The following INPP5F variants were observed in gnomAD, a reference collection of about 807,000 sequenced individuals.
INPP5F encodes the protein phosphatidylinositide 4-phosphatase SAC2.
A neutral mutation model predicts 137.2 loss-of-function variants in INPP5F; 97 were observed. The observed-to-expected ratio is 0.71, with a 90% confidence interval of 0.60 to 0.84. INPP5F has a LOEUF of 0.84. INPP5F is among the 40% of genes least tolerant of loss of function. The probability of loss-of-function intolerance (pLI) is 0.00; values close to 1 mark genes in which losing one functional copy is unlikely to be tolerated. For missense variants in INPP5F, 1,271 were observed against 1,371.9 expected, an observed-to-expected ratio of 0.93 and a Z score of 1.16; for synonymous variants, 504 against 476.9, an observed-to-expected ratio of 1.06 and a Z score of -0.74.
chr10:119,798,717 C>A, intron 9 of INPP5F, 107 bp downstream of exon 9: 2 of 562,850 alleles, frequency 3.6e-6, no homozygotes, highest in Admixed American at 3.4e-5. Flanking sequence ...AAGCATTTGT[C>A]ATGAAGTTTA....
intron 1 of INPP5F, among the ~76,000 whole-genome samples, chr10:119,731,573 A>C (rs1431514871): frequency 6.6e-6 from 1 of 152,188 alleles, no homozygotes; most frequent in East Asian, 1.9e-4. Flanking sequence ...CTAAGCCACA[A>C]GAATCGATTG....
chr10:119,777,518 C>CT (rs1377646997), intron 2 of INPP5F, among the ~76,000 whole-genome samples: 1 of 152,140 alleles, frequency 6.6e-6, no homozygotes, highest in Non-Finnish European at 1.5e-5. Flanking sequence ...GCACGAGACT[C>CT]TGTCTCAAAA....
At chr10:119,747,798 C>T (rs1848582154) in intron 1 of INPP5F, among the ~76,000 whole-genome samples, 1 of 151,942 alleles carries the variant, frequency 6.6e-6, no homozygotes, top group Admixed American at 6.6e-5. Flanking sequence ...GGAAGTACTT[C>T]CTTAAGTGGA....
At chr10:119,802,347 A>T (rs911219479) in intron 9 of INPP5F, among the ~76,000 whole-genome samples, 1 of 152,166 alleles carries the variant, frequency 6.6e-6, no homozygotes, top group East Asian at 1.9e-4. Flanking sequence ...TGTGTCCTTA[A>T]TGGTATTGGG....
chr10:119,752,784 A>G, intron 2 of INPP5F, among the ~76,000 whole-genome samples: 1 of 151,954 alleles, frequency 6.6e-6, no homozygotes, highest in East Asian at 1.9e-4. Context: ...TGGGGATTTT[A>G]TATAAATGAT....
At chr10:119,741,214 C>A (rs555593372) in intron 1 of INPP5F, among the ~76,000 whole-genome samples, 50 of 152,224 alleles carry the variant, frequency 3.3e-4, no homozygotes, top group Non-Finnish European at 7.1e-4. Flanking sequence ...CACCCTTGCA[C>A]ATTCTTTCCT....
chr10:119,727,451 G>T (rs902323888), intron 1 of INPP5F, among the ~76,000 whole-genome samples: 1 of 152,214 alleles, frequency 6.6e-6, no homozygotes, highest in Non-Finnish European at 1.5e-5. Flanking sequence ...CAGGACACGT[G>T]TGGGATCCTC....
intron 3 of INPP5F, among the ~76,000 whole-genome samples, chr10:119,785,548 G>GAGAGAGAGAGAGAC (rs1849870375): frequency 6.9e-6 from 1 of 145,594 alleles, no homozygotes; most frequent in Non-Finnish European, 1.5e-5. Flanking sequence ...GAGAGAGAGA[G>GAGAGAGAGAGAGAC]AGAGAGAGAG....
At chr10:119,801,201 G>A (rs1266049953) in intron 9 of INPP5F, among the ~76,000 whole-genome samples, 8 of 152,184 alleles carry the variant, frequency 5.3e-5, no homozygotes, top group African/African-American at 7.2e-5. Flanking sequence ...GTAGATCCAC[G>A]TGTACTAATG....
At chr10:119,811,997 A>G (rs371866478) in intron 15 of INPP5F, 42 bp downstream of exon 15, 155 of 1,481,414 alleles carry the variant, frequency 1.0e-4, no homozygotes, top group Non-Finnish European at 1.3e-4. Context: ...TGCTTAACTG[A>G]TGTTGGGAAG....
At chr10:119,771,718 G>T (rs1377327461) in intron 2 of INPP5F, among the ~76,000 whole-genome samples, 3 of 151,040 alleles carry the variant, frequency 2.0e-5, no homozygotes, top group Non-Finnish European at 4.4e-5. Flanking sequence ...CCAACACTAA[G>T]TATTACTTTT....
intron 8 of INPP5F, 56 bp downstream of exon 8, chr10:119,797,696 A>C (rs1400700899): frequency 3.0e-6 from 4 of 1,349,506 alleles, no homozygotes; most frequent in Non-Finnish European, 4.0e-6. Context: ...AATAGTTTTT[A>C]AGAAATTAGT....
At chr10:119,737,461 C>T (rs1848249321) in intron 1 of INPP5F, among the ~76,000 whole-genome samples, 1 of 152,100 alleles carries the variant, frequency 6.6e-6, no homozygotes, top group Non-Finnish European at 1.5e-5. Context: ...TCCAGGGCCC[C>T]GCCCTAACCA....
In INPP5F at chr10:119,826,863, G is replaced by T; in HGVS notation, c.2482G>T (p.Asp828Tyr). Residue 828 changes from aspartate to tyrosine, a missense_variant, in exon 20 of 20, where the codon GAT becomes TAT. Physicochemically the swap from Asp to Tyr is radical, Grantham distance 160. Transcript: ENST00000650623. ...PNLKVNLWKS[D>Y]SSLETMENTG... ...CTTAAAAGTAAATCTTTGGAAATCA[G>T]ATAGTAGTCTTGAAACTATGGAAAA... 6.2e-7 allele frequency: 1 copy of T among 1,614,086 alleles called. No homozygotes were observed. Among genetic ancestry groups the T allele is most frequent in the Admixed American group, 1.7e-5 (1 of 60,026 alleles).
rs1289397346 is a variant in INPP5F at position 119,795,079 on chromosome 10, A to AC, written c.670-1629dup. On this transcript the variant is annotated intron_variant, in intron 6 of 19. Coordinates refer to ENST00000650623, the MANE Select transcript of INPP5F (RefSeq NM_014937.4). ...GGGCGGCTGGCCGGGCGGGGGGCTG[A>AC]CCCCCCCACCTCCCTCCCTCCCGGA... 3.8e-4 allele frequency among the ~76,000 whole-genome samples: 25 copies of AC among 65,814 alleles called. No individual in the cohort carries two copies. In the East Asian group the frequency reaches 5.6e-3, roughly 15 times the overall value. The allele number at this position is 65,814 out of a possible 152,430, so 43.2% of individuals were successfully genotyped here.
At chr10:119,751,573 A>G (rs1023373746) in intron 2 of INPP5F, among the ~76,000 whole-genome samples, 2 of 152,098 alleles carry the variant, frequency 1.3e-5, no homozygotes, top group East Asian at 3.9e-4. Flanking sequence ...CTTAGCACAC[A>G]GTGTGGTCCT....
intron 2 of INPP5F, among the ~76,000 whole-genome samples, chr10:119,768,046 T>C (rs966060666): frequency 3.3e-5 from 5 of 152,190 alleles, no homozygotes; most frequent in Non-Finnish European, 5.9e-5. Context: ...TCTTTTTCCT[T>C]CTTTACCAAC....
chr10:119,735,020 T>G (rs1174604804), intron 1 of INPP5F, among the ~76,000 whole-genome samples: 3 of 152,202 alleles, frequency 2.0e-5, no homozygotes, highest in Non-Finnish European at 4.4e-5. Context: ...GATAATACAT[T>G]AAGTGATAAT....
intron 2 of INPP5F, among the ~76,000 whole-genome samples, chr10:119,766,492 AT>A (rs768115580): frequency 1.3e-5 from 2 of 152,228 alleles, no homozygotes; most frequent in Non-Finnish European, 2.9e-5. Context: ...AAAACCAACT[AT>A]AAATACAAGC....
Sources: gnomAD v4.1 joint callset for allele counts (sites outside exome capture counted in the v4.1 genomes callset) on GRCh38, gnomAD v4.1.1 for gene constraint, MANE v1.5 for transcripts, NCBI Gene and HGNC (gene_info 2026-07-23, HGNC 2026-07-21) for gene names.